The following FSTL5 variants were observed in gnomAD, a reference collection of about 807,000 sequenced individuals.
The protein encoded by FSTL5 is follistatin-related protein 5.
Under a neutral mutation model 89.1 loss-of-function variants are expected in FSTL5, and 62 were observed. The ratio of observed to expected loss-of-function variants is 0.70; its 90% CI spans 0.57 to 0.86. The LOEUF (loss-of-function observed/expected upper bound fraction) is 0.86. Ranked by LOEUF, FSTL5 falls within the 40% of genes least tolerant of loss-of-function variation. The pLI, the probability that FSTL5 is intolerant of heterozygous loss-of-function variation, is 0.00. For synonymous variants in FSTL5, 383 were observed against 346.2 expected, an observed-to-expected ratio of 1.11 and a Z score of -1.18; for missense variants, 1,057 against 1,001.6, an observed-to-expected ratio of 1.06 and a Z score of -0.75.
rs113323410 is a variant in FSTL5 at position 161,945,121 on chromosome 4, A to G, written c.161-24469T>C. On this transcript the variant is annotated intron_variant, in intron 3 of 15. Transcript: ENST00000306100. ...ATCTCAGTCTACTTATAATAACTCT[A>G]TGTAAGTTTTATTTGCACTGGCTAT... 3.0e-3 allele frequency among the ~76,000 whole-genome samples: 459 copies of G among 152,246 alleles called. 2 individuals are homozygous for G. Among genetic ancestry groups the G allele is most frequent in the African/African-American group, 0.011 (441 of 41,564 alleles).
intron 15 of FSTL5, among the ~76,000 whole-genome samples, chr4:161,445,916 G>A (rs1481277942): frequency 6.6e-6 from 1 of 151,952 alleles, no homozygotes. Context: ...AAATGTGAAA[G>A]AGTAATCATA....
At chr4:161,723,614 G>C (rs10002344) in intron 6 of FSTL5, among the ~76,000 whole-genome samples, 65 of 152,282 alleles carry the variant, frequency 4.3e-4, no homozygotes, top group African/African-American at 1.5e-3. Flanking sequence ...CATCCTGGGA[G>C]ATGGAATGGC....
chr4:161,552,478 G>C (rs553068384), intron 8 of FSTL5: 1 of 151,518 alleles, frequency 6.6e-6, no homozygotes, highest in Non-Finnish European at 1.5e-5. Flanking sequence ...ATATTATATG[G>C]GCCACTTACA....
chr4:161,973,777 A>G (rs1027740861), intron 3 of FSTL5, among the ~76,000 whole-genome samples: 12 of 152,128 alleles, frequency 7.9e-5, no homozygotes, highest in African/African-American at 2.9e-4. Flanking sequence ...TCTACTATTG[A>G]GCAATCAAAT....
chr4:161,435,967 G>A (rs1371504077), intron 15 of FSTL5, among the ~76,000 whole-genome samples: 1 of 151,802 alleles, frequency 6.6e-6, no homozygotes, highest in Non-Finnish European at 1.5e-5. Flanking sequence ...ATTTAAACCA[G>A]GCTTTATATG....
At chr4:161,587,134 A>G (rs1733641321) in intron 8 of FSTL5, among the ~76,000 whole-genome samples, 1 of 152,116 alleles carries the variant, frequency 6.6e-6, no homozygotes, top group Non-Finnish European at 1.5e-5. Context: ...TCTGCTTAAA[A>G]TTTTTGTTTC....
Position 161,661,635 on chromosome 4 carries a change from G to T in FSTL5, c.728-5141C>A, listed in dbSNP as rs375719338. On this transcript the variant is annotated intron_variant, in intron 6 of 15. Coordinates refer to ENST00000306100, the MANE Select transcript of FSTL5 (RefSeq NM_020116.5). ...GAAATAGGTGATTTCAAAATAAATG[G>T]TAATGCTTACATAATTTAGACATGC... Among the ~76,000 whole-genome samples, 4 of 151,980 alleles carry T rather than the reference G, an allele frequency of 2.6e-5. No homozygotes were observed. In the South Asian group the frequency reaches 6.2e-4, roughly 24 times the overall value.
intron 3 of FSTL5, among the ~76,000 whole-genome samples, chr4:162,029,563 T>A (rs2111185351): frequency 6.6e-6 from 1 of 152,284 alleles, no homozygotes; most frequent in South Asian, 2.1e-4. Context: ...GGAGGTTAAG[T>A]CACTTCTCAA....
intron 8 of FSTL5, among the ~76,000 whole-genome samples, chr4:161,559,937 C>A (rs1342618365): frequency 6.6e-6 from 1 of 151,860 alleles, no homozygotes; most frequent in Non-Finnish European, 1.5e-5. Context: ...ATACTGCAGG[C>A]CAAGCTTGTC....
chr4:161,848,625 T>C (rs1407535834), intron 4 of FSTL5, among the ~76,000 whole-genome samples: 1 of 152,136 alleles, frequency 6.6e-6, no homozygotes, highest in Non-Finnish European at 1.5e-5. Context: ...TTTTTTGCAA[T>C]GCGAATAATT....
chr4:161,820,765 A>G (rs1560864241), intron 4 of FSTL5, among the ~76,000 whole-genome samples: 1 of 152,126 alleles, frequency 6.6e-6, no homozygotes, highest in Non-Finnish European at 1.5e-5. Flanking sequence ...GAGTCCCTAT[A>G]TTACTACTTG....
intron 6 of FSTL5, among the ~76,000 whole-genome samples, chr4:161,697,211 C>T (rs559221831): frequency 1.3e-4 from 20 of 152,062 alleles, no homozygotes; most frequent in African/African-American, 2.7e-4. Flanking sequence ...GGAATGGGGA[C>T]GGGAAGTGCT....
intron 15 of FSTL5, chr4:161,388,329 A>C (rs1293315713): frequency 2.0e-5 from 3 of 152,048 alleles, no homozygotes; most frequent in Non-Finnish European, 4.4e-5. Context: ...ATGAAGAAAC[A>C]TTCATACTGT....
intron 3 of FSTL5, among the ~76,000 whole-genome samples, chr4:161,948,532 G>A (rs1433750445): frequency 7.5e-5 from 10 of 132,998 alleles, no homozygotes; most frequent in African/African-American, 2.8e-4. Context: ...TGTCACCCAG[G>A]CTGGAATGCA....
intron 3 of FSTL5, among the ~76,000 whole-genome samples, chr4:162,022,252 C>G (rs531312959): frequency 6.6e-6 from 1 of 152,042 alleles, no homozygotes; most frequent in East Asian, 1.9e-4. Context: ...AATTAAAAAA[C>G]CACATCTATA....
intron 1 of FSTL5, among the ~76,000 whole-genome samples, chr4:162,121,403 T>C (rs1731857016): frequency 6.6e-6 from 1 of 152,142 alleles, no homozygotes; most frequent in South Asian, 2.1e-4. Flanking sequence ...GACTGCATTG[T>C]AATATATTCA....
intron 4 of FSTL5, among the ~76,000 whole-genome samples, chr4:161,784,845 G>C (rs1741827445): frequency 7.2e-6 from 1 of 138,984 alleles, no homozygotes; most frequent in African/African-American, 2.7e-5. Flanking sequence ...AGTGAGCCAA[G>C]ATCGCGCCAC....
chr4:161,481,990 A>G (rs1035986147), intron 12 of FSTL5, among the ~76,000 whole-genome samples: 2 of 152,198 alleles, frequency 1.3e-5, no homozygotes, highest in African/African-American at 4.8e-5. Context: ...CAGTTAGGAA[A>G]ACCACTAATA....
intron 3 of FSTL5, among the ~76,000 whole-genome samples, chr4:161,946,418 G>T (rs1216409947): frequency 6.6e-6 from 1 of 152,188 alleles, no homozygotes; most frequent in South Asian, 2.1e-4. Context: ...CCATTATACT[G>T]AAAGTCATAA....
Sources: gnomAD v4.1 joint callset for allele counts (sites outside exome capture counted in the v4.1 genomes callset) on GRCh38, gnomAD v4.1.1 for gene constraint, MANE v1.5 for transcripts, NCBI Gene and HGNC (gene_info 2026-07-23, HGNC 2026-07-21) for gene names.